Variants in RECK observed in about 807,000 individuals in gnomAD.
RECK encodes the protein reversion inducing cysteine rich protein with kazal motifs.
A neutral mutation model predicts 115.1 loss-of-function variants in RECK; 69 were observed. That is an observed-to-expected ratio of 0.60 (90% confidence interval 0.49 to 0.73). RECK has a LOEUF of 0.73. Among genes scored for constraint, RECK ranks in the 30% least tolerant of loss-of-function variants. RECK has a pLI of 0.00. For missense variants in RECK, 1,047 were observed against 1,203.7 expected (o/e 0.87, Z 1.93); for synonymous variants, 414 against 419.7 (o/e 0.99, Z 0.17).
chr9:36,119,871 G>A (rs541990632), intron 18 of RECK, among the ~76,000 whole-genome samples: 3 of 152,184 alleles, frequency 2.0e-5, no homozygotes, highest in South Asian at 2.1e-4. Flanking sequence ...GTGAAAATAC[G>A]GCATAATATT....
intron 1 of RECK, among the ~76,000 whole-genome samples, chr9:36,047,730 T>A (rs963033073): frequency 6.6e-6 from 1 of 151,758 alleles, no homozygotes; most frequent in African/African-American, 2.4e-5. Context: ...TTTTTATGTG[T>A]CCTTCAGAAT....
chr9:36,045,525 G>T (rs1821039905), intron 1 of RECK, among the ~76,000 whole-genome samples: 1 of 151,040 alleles, frequency 6.6e-6, no homozygotes. Flanking sequence ...GTATATGTGT[G>T]TGTATATATA....
chr9:36,086,646 C>T (rs1332567027), intron 8 of RECK, among the ~76,000 whole-genome samples: 2 of 152,084 alleles, frequency 1.3e-5, no homozygotes, highest in African/African-American at 2.4e-5. Context: ...CTGATTGGTC[C>T]GTTTTACAGA....
At chr9:36,047,202 T>C (rs113740999) in intron 1 of RECK, among the ~76,000 whole-genome samples, 3,878 of 152,306 alleles carry the variant, frequency 0.025, 173 homozygotes, top group African/African-American at 0.087. Context: ...CACATCAGTG[T>C]CACTCAGGAG....
intron 5 of RECK, among the ~76,000 whole-genome samples, chr9:36,064,278 T>A (rs1821902710): frequency 6.6e-6 from 1 of 152,216 alleles, no homozygotes. Context: ...CATCATGGCT[T>A]TACCCTGAGT....
rs151184551 is a variant in RECK, at chr9:36,117,069, G to A, written c.2145G>A (p.Ala715=). The A allele has an allele frequency of 6.2e-4, 1,004 of 1,614,120 alleles. 12 individuals are homozygous for A. The South Asian group carries it at 9.9e-3, about 16-fold the overall frequency. The change falls in exon 17 of 21, where the codon GCG becomes GCA. Residue 715 remains alanine, a synonymous_variant. Coordinates refer to ENST00000377966, the MANE Select transcript of RECK (RefSeq NM_021111.3). ...ATGAGTGTGTACCAAGACAGCTCGC[G>A]TGTGACCAGGTCCAAGATCCTGTTT... is the stretch of plus-strand genomic sequence containing the variant. The part of the protein sequence containing the change: ...SQYECVPRQL[A]CDQVQDPVCD...
chr9:36,108,629 C>T (rs1459278156), intron 14 of RECK, among the ~76,000 whole-genome samples: 1 of 152,064 alleles, frequency 6.6e-6, no homozygotes, highest in Admixed American at 6.5e-5. Context: ...TCCCCCGACC[C>T]TTTCTTCAGG....
chr9:36,116,215 G>A (rs987587900), intron 16 of RECK, among the ~76,000 whole-genome samples: 12 of 146,446 alleles, frequency 8.2e-5, no homozygotes, highest in African/African-American at 2.8e-4. Context: ...CGCAACCTTC[G>A]CCTCCTGGGT....
At chr9:36,097,458 A>G (rs2052970444) in intron 10 of RECK, among the ~76,000 whole-genome samples, 1 of 152,248 alleles carries the variant, frequency 6.6e-6, no homozygotes, top group Non-Finnish European at 1.5e-5. Context: ...TCAGTGAAAT[A>G]CAAATTAAAA....
chr9:36,089,884 C>T (rs1242615600), intron 9 of RECK, among the ~76,000 whole-genome samples: 1 of 151,672 alleles, frequency 6.6e-6, no homozygotes, highest in Non-Finnish European at 1.5e-5. Context: ...CCTGTAATTC[C>T]AGGGTGAGGC....
At chr9:36,121,865 T>A (rs1431379517) in intron 20 of RECK, among the ~76,000 whole-genome samples, 177 bp downstream of exon 20, 1 of 152,138 alleles carries the variant, frequency 6.6e-6, no homozygotes, top group Admixed American at 6.5e-5. Flanking sequence ...GACTGAGCAC[T>A]TTGCCAGTGG....
intron 5 of RECK, 140 bp downstream of exon 5, chr9:36,064,020 C>T: frequency 1.5e-6 from 1 of 678,758 alleles, no homozygotes; most frequent in Middle Eastern, 2.7e-4. Flanking sequence ...TTTGTATAGA[C>T]CATTTCCTTT....
chr9:36,043,021 T>C (rs1166364561), intron 1 of RECK, among the ~76,000 whole-genome samples: 14 of 107,558 alleles, frequency 1.3e-4, no homozygotes, highest in African/African-American at 6.1e-4. Flanking sequence ...TTTTTTTTTT[T>C]TTTTTTTTTT....
chr9:36,114,844 A>AAAAAC (rs144666128), intron 16 of RECK, among the ~76,000 whole-genome samples: 15,079 of 150,526 alleles, frequency 0.1, 1,029 homozygotes, highest in South Asian at 0.18. Context: ...GACTCCATCT[A>AAAAAC]AAAACAAAAC....
At chr9:36,103,809 C>T (rs953950331) in intron 12 of RECK, among the ~76,000 whole-genome samples, 1 of 152,244 alleles carries the variant, frequency 6.6e-6, no homozygotes, top group East Asian at 1.9e-4. Flanking sequence ...CTTTGAGCCT[C>T]GGCTTCCCTA....
intron 1 of RECK, among the ~76,000 whole-genome samples, chr9:36,045,596 CT>C (rs74741110): frequency 0.029 from 3,657 of 128,234 alleles, 35 homozygotes; most frequent in Non-Finnish European, 0.032. Flanking sequence ...TAGAGGGAAT[CT>C]TTTTTTTTTT....
In RECK at chr9:36,100,454, A is replaced by G; in HGVS notation, c.1209A>G (p.Lys403=). 1 of 1,614,140 alleles carries G rather than the reference A, an allele frequency of 6.2e-7. No homozygotes were observed. Among genetic ancestry groups the G allele is most frequent in the Middle Eastern group, 1.6e-4 (1 of 6,062 alleles). The change falls in exon 11 of 21, where the codon AAA becomes AAG. Residue 403 remains lysine (K), a synonymous_variant. Transcript: ENST00000377966. ...PFINIPVLDI[K]KCQPEMWKAI... ...TCAATATACCTGTTCTTGATATTAA[A>G]AAGTGCCAGCCAGAGATGTGGAAAG...
chr9:36,056,985 A>T (rs1821553731), intron 2 of RECK: 1 of 985,268 alleles, frequency 1.0e-6, no homozygotes. Flanking sequence ...CATAGCATTC[A>T]TGGATTTTAC....
chr9:36,042,667 A>G (rs1438980306), intron 1 of RECK, among the ~76,000 whole-genome samples: 1 of 151,904 alleles, frequency 6.6e-6, no homozygotes, highest in South Asian at 2.1e-4. Context: ...TTTTCATATG[A>G]CTTCTTTTCC....
Sources: allele counts gnomAD v4.1 joint callset (sites outside exome capture counted in the v4.1 genomes callset), GRCh38; gene constraint gnomAD v4.1.1; transcripts MANE v1.5; gene names NCBI Gene and HGNC (gene_info 2026-07-23, HGNC 2026-07-21).